Variants in FAM227B observed in about 807,000 individuals in gnomAD.
The protein encoded by FAM227B is family with sequence similarity 227 member B.
In FAM227B, 88 loss-of-function variants were observed where a neutral mutation model predicts 73.8. That is an observed-to-expected ratio of 1.19 (90% CI 1.00 to 1.42). The LOEUF (loss-of-function observed/expected upper bound fraction) is 1.42. FAM227B is among the 40% of genes most tolerant of loss of function. FAM227B has a pLI of 0.00. For missense variants in FAM227B, 632 were observed against 590.9 expected, an observed-to-expected ratio of 1.07 and a Z score of -0.72; for synonymous variants, 210 against 190.5, an observed-to-expected ratio of 1.10 and a Z score of -0.84.
At chr15:49,377,401 T>C (rs573011903) in intron 11 of FAM227B, among the ~76,000 whole-genome samples, 1 of 152,252 alleles carries the variant, frequency 6.6e-6, no homozygotes, top group Admixed American at 6.5e-5. Flanking sequence ...ATTACTAGAT[T>C]ATATGGTAGC....
intron 11 of FAM227B, among the ~76,000 whole-genome samples, chr15:49,390,613 C>T (rs2047153225): frequency 6.6e-6 from 1 of 151,998 alleles, no homozygotes; most frequent in Admixed American, 6.6e-5. Flanking sequence ...ACATTCTAAC[C>T]TCATTTCAGG....
chr15:49,438,409 G>T (rs538747239), intron 11 of FAM227B, among the ~76,000 whole-genome samples: 117 of 151,770 alleles, frequency 7.7e-4, no homozygotes, highest in African/African-American at 2.8e-3. Context: ...CCATTGCTTT[G>T]TTCCACCCAG....
chr15:49,584,135 T>A (rs2075997288), intron 5 of FAM227B, among the ~76,000 whole-genome samples: 1 of 152,128 alleles, frequency 6.6e-6, no homozygotes, highest in African/African-American at 2.4e-5. Context: ...GCAAATTGAA[T>A]CCAGCAGTAC....
chr15:49,411,341 C>A (rs1190791835), intron 11 of FAM227B, among the ~76,000 whole-genome samples: 2 of 151,938 alleles, frequency 1.3e-5, no homozygotes, highest in African/African-American at 4.8e-5. Context: ...CCTTTTAAAT[C>A]AAAATATATT....
intron 11 of FAM227B, among the ~76,000 whole-genome samples, chr15:49,448,878 A>G (rs1013545280): frequency 1.3e-5 from 2 of 151,784 alleles, no homozygotes; most frequent in Non-Finnish European, 2.9e-5. Context: ...TTCCAATATT[A>G]TATTACCCTA....
intron 13 of FAM227B, among the ~76,000 whole-genome samples, chr15:49,337,838 T>C (rs998637013): frequency 6.6e-6 from 1 of 151,968 alleles, no homozygotes; most frequent in African/African-American, 2.4e-5. Context: ...GTCCCTGCAA[T>C]GTTTTTTATG....
Position 49,424,286 on chromosome 15 carries a change from CACT to C in FAM227B, c.1013-52890_1013-52888del, listed in dbSNP as rs544470266. On this transcript the variant is annotated intron_variant, in intron 11 of 15. Transcript: ENST00000299338. ...TTATGTTATTCATGAACACCCGGAG[CACT>C]ACACTATAATGCACAAATGGATACT... The C allele has an allele frequency of 6.5e-5, 104 of 1,606,686 alleles. No individual in the cohort carries two copies. In the African/African-American group the frequency reaches 1.1e-3, roughly 18 times the overall value.
At chr15:49,493,888 A>ATATGTGTG (rs146161182) in intron 11 of FAM227B, among the ~76,000 whole-genome samples, 92 of 148,916 alleles carry the variant, frequency 6.2e-4, no homozygotes, top group African/African-American at 2.2e-3. Context: ...ATATATATAT[A>ATATGTGTG]TGTGTGTGTG....
At chr15:49,335,349 AT>A (rs1192308443) in intron 14 of FAM227B, 69 bp downstream of exon 14, 2 of 1,006,374 alleles carry the variant, frequency 2.0e-6, no homozygotes, top group Non-Finnish European at 3.1e-6. Flanking sequence ...AGTTTAGATG[AT>A]TTCTCTGATT....
chr15:49,371,327 G>T lies in FAM227B; in HGVS notation c.1085C>A (p.Ser362Ter). The change falls in exon 12 of 16, where the codon TCA (serine) becomes TAA (stop). Residue 362 changes from serine (S) to a stop codon, truncating the protein, a stop_gained. Coordinates refer to ENST00000299338, the MANE Select transcript of FAM227B (RefSeq NM_152647.3). LOFTEE classifies it high-confidence loss of function. ...AYTLPISKEE[S>*]RLSRLATKSH... is the part of the protein sequence containing the mutation. ...CTTTGTTGCTAGTCTTGATAATCTT[G>T]ATTCTTCCTTGGATATGGGCAACGT... 1.3e-6 allele frequency: 2 copies of T among 1,597,922 alleles called. No individual in the cohort carries two copies. The highest frequency in any genetic ancestry group is 1.1e-5 in the South Asian group (1 of 89,672).
At chr15:49,351,407 C>G (rs554032710) in intron 13 of FAM227B, among the ~76,000 whole-genome samples, 18 of 152,294 alleles carry the variant, frequency 1.2e-4, no homozygotes, top group African/African-American at 4.1e-4. Flanking sequence ...CAAGTCATGA[C>G]AGCAAATGAG....
At chr15:49,620,285 C>T (rs1020473696) in intron 1 of FAM227B, 5 of 152,142 alleles carry the variant, frequency 3.3e-5, no homozygotes, top group African/African-American at 7.2e-5. Context: ...ATCGTGAGCA[C>T]TTCTAGGGCA....
chr15:49,362,877 G>A (rs2044492792), intron 13 of FAM227B, among the ~76,000 whole-genome samples: 1 of 152,114 alleles, frequency 6.6e-6, no homozygotes, highest in Non-Finnish European at 1.5e-5. Context: ...TTATTGAATA[G>A]GGAGTCCTTT....
chr15:49,560,612 T>C (rs2074171379), intron 9 of FAM227B, among the ~76,000 whole-genome samples: 1 of 152,142 alleles, frequency 6.6e-6, no homozygotes, highest in Non-Finnish European at 1.5e-5. Context: ...AAAAGTATCT[T>C]ATAGCCACCT....
chr15:49,529,899 T>C (rs1003613998), intron 10 of FAM227B, among the ~76,000 whole-genome samples: 4 of 151,780 alleles, frequency 2.6e-5, no homozygotes, highest in African/African-American at 7.2e-5. Flanking sequence ...TCACTCAGCA[T>C]AATTCTTTAG....
At position 49,504,012 on chromosome 15, in the gene FAM227B, A is replaced by G. The variant is rs1204609508; in HGVS notation, c.1012+4199T>C. ...TGCGGCACTATTCACAATAGCAAAG[A>G]CTTGGAGCCAAGCCAAATGTCCAAC... On this transcript the variant is annotated intron_variant, in intron 11 of 15. Coordinates refer to ENST00000299338, the MANE Select transcript of FAM227B (RefSeq NM_152647.3). Among the ~76,000 whole-genome samples, 9 of 152,132 alleles carry G rather than the reference A, an allele frequency of 5.9e-5. No individual in the cohort carries two copies. In the East Asian group the frequency reaches 1.7e-3, roughly 29 times the overall value.
intron 9 of FAM227B, among the ~76,000 whole-genome samples, chr15:49,567,480 A>C (rs1243346228): frequency 6.6e-6 from 1 of 152,100 alleles, no homozygotes. Flanking sequence ...TTTGTGAGTA[A>C]GATAGGTCAA....
At chr15:49,575,240 T>C (rs975535021) in intron 7 of FAM227B, 131 bp from the exon 8 acceptor site, 1 of 414,522 alleles carries the variant, frequency 2.4e-6, no homozygotes, top group African/African-American at 2.1e-5. Flanking sequence ...AAATTTAACA[T>C]GAGCCACATA....
chr15:49,519,264 C>A (rs1406964423), intron 10 of FAM227B, among the ~76,000 whole-genome samples: 2 of 152,154 alleles, frequency 1.3e-5, no homozygotes, highest in Non-Finnish European at 2.9e-5. Flanking sequence ...GTGTCTGTGG[C>A]TTTTACAGGC....
Sources: gnomAD v4.1 joint callset for allele counts (sites outside exome capture counted in the v4.1 genomes callset) on GRCh38, gnomAD v4.1.1 for gene constraint, MANE v1.5 for transcripts, NCBI Gene and HGNC (gene_info 2026-07-23, HGNC 2026-07-21) for gene names.